FAM227B: variants seen among roughly 807,000 people sequenced by gnomAD.
The protein encoded by FAM227B is protein FAM227B.
In FAM227B, 88 loss-of-function variants were observed where a neutral mutation model predicts 73.8. The observed-to-expected ratio is 1.19, with a 90% CI of 1.00 to 1.42. The LOEUF (loss-of-function observed/expected upper bound fraction) is 1.42. Among genes scored for constraint, FAM227B ranks in the 40% most tolerant of loss-of-function variants. The pLI, the probability that FAM227B is intolerant of heterozygous loss-of-function variation, is 0.00. For missense variants in FAM227B, 632 were observed against 590.9 expected (o/e 1.07, Z -0.72); for synonymous variants, 210 against 190.5 (o/e 1.10, Z -0.84).
rs143880829 is a variant in FAM227B at position 49,615,688 on chromosome 15, T to G, written c.-72-445A>C. On this transcript the variant is annotated intron_variant, in intron 1 of 15. Transcript: ENST00000299338. ...CAATTAAACTTCTTTTCTTTAAAATTACCCAGTCTCTGGTAGTTCTTTATA... is the reference window on the plus strand; with the variant it reads ...CAATTAAACTTCTTTTCTTTAAAATGACCCAGTCTCTGGTAGTTCTTTATA... Among the ~76,000 whole-genome samples the G allele has an allele frequency of 4.8e-4, 73 of 152,302 alleles. No homozygotes were observed. The East Asian group carries it at 0.013, about 27-fold the overall frequency.
chr15:49,494,067 T>C (rs1226542121), intron 11 of FAM227B, among the ~76,000 whole-genome samples: 3 of 151,986 alleles, frequency 2.0e-5, no homozygotes, highest in South Asian at 2.1e-4. Context: ...CCATAAGTGA[T>C]AGCTGACAGA....
Position 49,439,208 on chromosome 15 carries a change from C to T in FAM227B, c.1013-67809G>A, listed in dbSNP as rs370426068. ...CTTCCTCTTTGCTATGTGGGCCTCTCGACAGGCTTCCTGAGTGTCCTTATA... is the reference window on the plus strand; with the variant it reads ...CTTCCTCTTTGCTATGTGGGCCTCTTGACAGGCTTCCTGAGTGTCCTTATA... On this transcript the variant is annotated intron_variant, in intron 11 of 15. Coordinates refer to ENST00000299338, the MANE Select transcript of FAM227B (RefSeq NM_152647.3). 5.7e-4 allele frequency among the ~76,000 whole-genome samples: 86 copies of T among 151,428 alleles called. 2 individuals are homozygous for T. The South Asian group carries it at 7.1e-3, about 12-fold the overall frequency.
At chr15:49,461,752 T>C (rs1014421819) in intron 11 of FAM227B, among the ~76,000 whole-genome samples, 12 of 152,242 alleles carry the variant, frequency 7.9e-5, no homozygotes, top group African/African-American at 2.9e-4. Flanking sequence ...AGAGATACCA[T>C]GTGAAATTCA....
chr15:49,484,574 C>T (rs940021016), intron 11 of FAM227B: 4 of 744,032 alleles, frequency 5.4e-6, no homozygotes, highest in Non-Finnish European at 5.9e-6. Flanking sequence ...TCTTTCTTCT[C>T]AAAATTTTCT....
At chr15:49,443,684 A>G (rs2051894351) in intron 11 of FAM227B, among the ~76,000 whole-genome samples, 1 of 151,762 alleles carries the variant, frequency 6.6e-6, no homozygotes, top group South Asian at 2.1e-4. Flanking sequence ...ATCTTCATTC[A>G]TTTACCTTCT....
chr15:49,469,513 G>A (rs1391217778), intron 11 of FAM227B, among the ~76,000 whole-genome samples: 1 of 152,026 alleles, frequency 6.6e-6, no homozygotes, highest in Non-Finnish European at 1.5e-5. Flanking sequence ...CTTTCTTAGA[G>A]TCAGAACAAG....
At chr15:49,426,491 A>G (rs1042183075) in intron 11 of FAM227B, among the ~76,000 whole-genome samples, 2 of 151,998 alleles carry the variant, frequency 1.3e-5, no homozygotes, top group African/African-American at 2.4e-5. Flanking sequence ...GAAAATGAAT[A>G]GTATGCATAA....
At chr15:49,545,702 T>C (rs892917994) in intron 9 of FAM227B, among the ~76,000 whole-genome samples, 3 of 152,158 alleles carry the variant, frequency 2.0e-5, no homozygotes, top group Admixed American at 1.3e-4. Flanking sequence ...AGTATTACTG[T>C]TCAGTTCAAA....
At chr15:49,551,528 A>G (rs1034614110) in intron 9 of FAM227B, among the ~76,000 whole-genome samples, 3 of 152,152 alleles carry the variant, frequency 2.0e-5, no homozygotes, top group Admixed American at 1.3e-4. Context: ...CAACAGAACA[A>G]TGAGTCTTGT....
intron 3 of FAM227B, among the ~76,000 whole-genome samples, chr15:49,607,219 T>C (rs911863387): frequency 1.3e-5 from 2 of 152,196 alleles, no homozygotes; most frequent in Non-Finnish European, 2.9e-5. Context: ...TGCTTAACAC[T>C]GCAAAACTTT....
intron 3 of FAM227B, among the ~76,000 whole-genome samples, chr15:49,606,675 T>C (rs751806943): frequency 6.6e-6 from 1 of 152,338 alleles, no homozygotes; most frequent in South Asian, 2.1e-4. Flanking sequence ...TGGTGTCACA[T>C]GGACATCCTC....
chr15:49,503,261 T>A (rs1471173121), intron 11 of FAM227B, among the ~76,000 whole-genome samples: 1 of 152,028 alleles, frequency 6.6e-6, no homozygotes, highest in African/African-American at 2.4e-5. Context: ...TTACACCTTA[T>A]AAAAAAATTA....
At chr15:49,575,936 A>T (rs1235708051) in intron 7 of FAM227B, among the ~76,000 whole-genome samples, 1 of 152,200 alleles carries the variant, frequency 6.6e-6, no homozygotes, top group African/African-American at 2.4e-5. Flanking sequence ...TAGTCACAAA[A>T]TGTTTTAATG....
At chr15:49,493,714 T>TATCCATCC (rs2057323758) in intron 11 of FAM227B, among the ~76,000 whole-genome samples, 1 of 151,880 alleles carries the variant, frequency 6.6e-6, no homozygotes, top group African/African-American at 2.4e-5. Context: ...CATCTACACT[T>TATCCATCC]ATCTACTTAA....
At chr15:49,458,999 C>T (rs1265555280) in intron 11 of FAM227B, among the ~76,000 whole-genome samples, 1 of 152,044 alleles carries the variant, frequency 6.6e-6, no homozygotes, top group Non-Finnish European at 1.5e-5. Context: ...TTTGATTGTC[C>T]TTCATTTCTA....
chr15:49,519,502 C>T (rs147339300), intron 10 of FAM227B, among the ~76,000 whole-genome samples: 47 of 152,306 alleles, frequency 3.1e-4, no homozygotes, highest in South Asian at 1.7e-3. Context: ...AATTTCTAGG[C>T]AGAAGGTACC....
chr15:49,371,644 TTATA>T (rs992612245), intron 11 of FAM227B, among the ~76,000 whole-genome samples: 4 of 150,932 alleles, frequency 2.7e-5, no homozygotes, highest in African/African-American at 9.7e-5. Context: ...TAAAATTCAC[TTATA>T]AATAAATGAA....
chr15:49,454,825 G>C (rs1251294286), intron 11 of FAM227B, among the ~76,000 whole-genome samples: 1 of 152,086 alleles, frequency 6.6e-6, no homozygotes, highest in Non-Finnish European at 1.5e-5. Context: ...TAGCCAGGAT[G>C]GTCTCGATCT....
At chr15:49,468,473 T>C (rs1473620479) in intron 11 of FAM227B, among the ~76,000 whole-genome samples, 1 of 152,192 alleles carries the variant, frequency 6.6e-6, no homozygotes. Flanking sequence ...CTTAAATCTG[T>C]TATTTAACAG....
Sources: allele counts gnomAD v4.1 joint callset (sites outside exome capture counted in the v4.1 genomes callset), GRCh38; gene constraint gnomAD v4.1.1; transcripts MANE v1.5; gene names NCBI Gene and HGNC (gene_info 2026-07-23, HGNC 2026-07-21).